The following FANCD2 variants were observed in gnomAD, a reference collection of about 807,000 sequenced individuals.
FANCD2 encodes Fanconi anemia group D2 protein.
In FANCD2, 131 loss-of-function variants were observed where a neutral mutation model predicts 192.3. The observed-to-expected ratio is 0.68, with a 90% CI of 0.59 to 0.79. The LOEUF is 0.79. Among genes scored for constraint, FANCD2 ranks in the 30% least tolerant of loss-of-function variants. The pLI is 0.00. For missense variants in FANCD2, 1,508 were observed against 1,701.6 expected (o/e 0.89, Z 2.00); for synonymous variants, 524 against 612.5 (o/e 0.86, Z 2.13).
intron 2 of FANCD2, among the ~76,000 whole-genome samples, chr3:10,031,867 G>A (rs1575729182): frequency 6.6e-6 from 1 of 151,848 alleles, no homozygotes; most frequent in East Asian, 1.9e-4. Context: ...TTTCCTTTGA[G>A]ACAGAGTGTC....
intron 4 of FANCD2, 73 bp downstream of exon 4, chr3:10,034,609 A>G (rs1378647370): frequency 4.5e-5 from 67 of 1,498,866 alleles, no homozygotes; most frequent in Non-Finnish European, 5.7e-5. Flanking sequence ...GGACACTGGT[A>G]TAAAGTTGAG....
intron 18 of FANCD2, among the ~76,000 whole-genome samples, chr3:10,056,924 G>C (rs1365094975): frequency 6.6e-6 from 1 of 151,808 alleles, no homozygotes; most frequent in African/African-American, 2.4e-5. Context: ...GTGTTATCTT[G>C]GCTTACTGCA....
At chr3:10,054,471 ATATTTTTTTTTTTTTT>A (rs1253882514) in intron 18 of FANCD2, among the ~76,000 whole-genome samples, 7 of 16,668 alleles carry the variant, frequency 4.2e-4, no homozygotes, top group East Asian at 5.6e-3. Context: ...ATATATATAT[ATATTTTTTTTTTTTTT>A]TTTTTTTTTT....
At chr3:10,059,128 C>G (rs935850755) in intron 18 of FANCD2, among the ~76,000 whole-genome samples, 1 of 152,108 alleles carries the variant, frequency 6.6e-6, no homozygotes, top group Non-Finnish European at 1.5e-5. Flanking sequence ...ATCCTCCCAC[C>G]CCAGCCTTCC....
intron 18 of FANCD2, 152 bp downstream of exon 18, chr3:10,052,649 G>A: frequency 1.5e-6 from 1 of 659,170 alleles, no homozygotes; most frequent in Non-Finnish European, 2.7e-6. Context: ...CTCCCAAGTG[G>A]CTGGGACTAC....
At chr3:10,061,463 G>A (rs909659980) in intron 19 of FANCD2, among the ~76,000 whole-genome samples, 1 of 152,128 alleles carries the variant, frequency 6.6e-6, no homozygotes, top group African/African-American at 2.4e-5. Flanking sequence ...GTTGCCCAGG[G>A]TCAGATTCTG....
At chr3:10,072,125 A>C (rs547960516) in intron 26 of FANCD2, among the ~76,000 whole-genome samples, 49 of 152,218 alleles carry the variant, frequency 3.2e-4, no homozygotes, top group Non-Finnish European at 5.9e-4. Flanking sequence ...TACATTTAAA[A>C]ATAACTAAAA....
intron 14 of FANCD2, among the ~76,000 whole-genome samples, chr3:10,045,088 G>GTTTTTTTTTTTTTTTTTTTTTTT (rs76340293): frequency 7.8e-6 from 1 of 128,936 alleles, no homozygotes; most frequent in African/African-American, 3.3e-5. Flanking sequence ...CTTTTTAACT[G>GTTTTTTTTTTTTTTTTTTTTTTT]TTTTTTTTTT....
intron 36 of FANCD2, among the ~76,000 whole-genome samples, chr3:10,089,224 G>A (rs546227562): frequency 4.6e-5 from 7 of 152,050 alleles, no homozygotes; most frequent in African/African-American, 1.7e-4. Flanking sequence ...GGCGGAGGTT[G>A]CAGTGAGCCG....
chr3:10,062,749 C>T (rs1453044543), intron 20 of FANCD2, among the ~76,000 whole-genome samples: 11 of 151,970 alleles, frequency 7.2e-5, no homozygotes, highest in Non-Finnish European at 1.0e-4. Flanking sequence ...TCAACTCTGT[C>T]GCCAAGGCTG....
rs1400838487 is a variant in FANCD2, at chr3:10,042,985, A to T, written c.889-65A>T. The stretch of plus-strand genomic sequence containing the variant: ...CTTTCAGGAGATTGTCATGGTAGAG[A>T]GACTGGACTGTGCCTACCCACTATG... On this transcript the variant is annotated intron_variant, in intron 11 of 43. Transcript: ENST00000675286. 3 of 1,341,872 alleles carry T rather than the reference A, an allele frequency of 2.2e-6. No homozygotes were observed. In the African/African-American group the frequency reaches 4.3e-5, roughly 19 times the overall value. The allele number at this position is 1,341,872 out of a possible 1,614,324, so 83.1% of individuals were successfully genotyped here. A position where few individuals can be genotyped will look rare whatever the true frequency, so the allele number is the denominator to read the frequency against.
chr3:10,076,054 T>A (rs1693524849), intron 29 of FANCD2, among the ~76,000 whole-genome samples: 1 of 151,130 alleles, frequency 6.6e-6, no homozygotes, highest in South Asian at 2.1e-4. Context: ...TTTTTTTTAA[T>A]CTTTCTACAT....
At chr3:10,079,369 A>G (rs1025938224) in intron 30 of FANCD2, among the ~76,000 whole-genome samples, 12 of 152,070 alleles carry the variant, frequency 7.9e-5, no homozygotes, top group African/African-American at 1.9e-4. Flanking sequence ...CAGTGGTGCA[A>G]TCTCGGCTCA....
chr3:10,081,716 C>T (rs1371635035), intron 32 of FANCD2, among the ~76,000 whole-genome samples: 1 of 152,056 alleles, frequency 6.6e-6, no homozygotes, highest in African/African-American at 2.4e-5. Context: ...CAGATGTGGC[C>T]ATCTGTTCCT....
At chr3:10,100,931 T>A (rs1695263317) in intron 43 of FANCD2, among the ~76,000 whole-genome samples, 1 of 151,892 alleles carries the variant, frequency 6.6e-6, no homozygotes, top group Non-Finnish European at 1.5e-5. Context: ...TAGCCGGGCG[T>A]GGTGGCACAT....
rs1328696495 is a variant in FANCD2, at chr3:10,101,247, T to C, written c.4341T>C (p.Tyr1447=). 11 of 1,611,724 alleles carry C rather than the reference T, an allele frequency of 6.8e-6. No individual in the cohort carries two copies. Among genetic ancestry groups the C allele is most frequent in the Non-Finnish European group, 8.5e-6 (10 of 1,177,858 alleles). The change falls in exon 44 of 44, where the codon TAT becomes TAC. Residue 1447 remains tyrosine (Y), a synonymous_variant. Transcript: ENST00000675286. ...GEKEQDSDES[Y]DDSD ...AGGAGCAAGATAGTGATGAGAGTTA[T>C]GATGACTCTGATTAGACCCCAGATA...
At chr3:10,074,724 T>C in intron 29 of FANCD2, 51 bp downstream of exon 29, 1 of 1,559,140 alleles carries the variant, frequency 6.4e-7, no homozygotes, top group East Asian at 2.2e-5. Context: ...AGAAAGTTCC[T>C]CAGGTCTATT....
intron 14 of FANCD2, among the ~76,000 whole-genome samples, chr3:10,046,080 A>G (rs1341492427): frequency 1.8e-4 from 16 of 91,360 alleles, no homozygotes; most frequent in African/African-American, 7.3e-4. Flanking sequence ...TGAGAATGGA[A>G]TCTCGCTCTC....
chr3:10,053,199 T>C (rs1421637214), intron 18 of FANCD2, among the ~76,000 whole-genome samples: 9 of 149,736 alleles, frequency 6.0e-5, no homozygotes, highest in Non-Finnish European at 1.2e-4. Context: ...TATGCAGCCA[T>C]AAAAAATGAT....
Sources: gnomAD v4.1 joint callset for allele counts (sites outside exome capture counted in the v4.1 genomes callset) on GRCh38, gnomAD v4.1.1 for gene constraint, MANE v1.5 for transcripts, NCBI Gene and HGNC (gene_info 2026-07-23, HGNC 2026-07-21) for gene names.